Variants in DOCK10 observed in about 807,000 individuals in gnomAD.
DOCK10 encodes dedicator of cytokinesis 10, also known as dedicator of cytokinesis protein 10.
DOCK10 carries 145 observed loss-of-function variants against 280.1 expected under a neutral mutation model. The ratio of observed to expected loss-of-function variants is 0.52; its 90% confidence interval spans 0.45 to 0.59. The LOEUF is 0.59. Ranked by LOEUF, DOCK10 falls within the 20% of genes least tolerant of loss-of-function variation. DOCK10 has a pLI of 0.00. For missense variants in DOCK10, 2,368 were observed against 2,651.7 expected, an observed-to-expected ratio of 0.89 and a Z score of 2.35; for synonymous variants, 915 against 942.2, an observed-to-expected ratio of 0.97 and a Z score of 0.53.
At chr2:224,890,463 A>T (rs1699592686) in intron 4 of DOCK10, among the ~76,000 whole-genome samples, 3 of 152,202 alleles carry the variant, frequency 2.0e-5, no homozygotes, top group Admixed American at 1.3e-4. Context: ...GGAACTAATG[A>T]CTGAGATAGA....
At chr2:224,895,863 G>C (rs73993932) in intron 4 of DOCK10, among the ~76,000 whole-genome samples, 1 of 97,450 alleles carries the variant, frequency 1.0e-5, no homozygotes, top group Admixed American at 8.9e-5. Flanking sequence ...ATATATATAT[G>C]TCTTTTGTGG....
At chr2:224,903,604 G>A (rs1700433733) in intron 3 of DOCK10, among the ~76,000 whole-genome samples, 1 of 152,108 alleles carries the variant, frequency 6.6e-6, no homozygotes, top group African/African-American at 2.4e-5. Context: ...AATGATGGAT[G>A]GTACTAAAAC....
intron 16 of DOCK10, among the ~76,000 whole-genome samples, chr2:224,854,412 G>A (rs1292389447): frequency 6.6e-6 from 1 of 152,096 alleles, no homozygotes; most frequent in Non-Finnish European, 1.5e-5. Flanking sequence ...TATGTTCTCT[G>A]TATAATAACA....
At chr2:225,013,107 C>A (rs538005593) in intron 1 of DOCK10, among the ~76,000 whole-genome samples, 1 of 152,224 alleles carries the variant, frequency 6.6e-6, no homozygotes, top group Middle Eastern at 3.4e-3. Context: ...TTTCCTGGAA[C>A]TTTAGTCTGC....
At chr2:224,773,421 G>C (rs902312110) in intron 52 of DOCK10, 74 bp from the exon 53 acceptor site, 1 of 1,356,250 alleles carries the variant, frequency 7.4e-7, no homozygotes, top group Non-Finnish European at 1.0e-6. Flanking sequence ...TGAAGGACCA[G>C]AGGATCATGT....
At chr2:225,036,633 G>A (rs10175389) in intron 1 of DOCK10, among the ~76,000 whole-genome samples, 5,695 of 152,136 alleles carry the variant, frequency 0.037, 292 homozygotes, top group African/African-American at 0.12. Context: ...TCTCAATGAC[G>A]AGACTCTATC....
chr2:224,986,001 A>G (rs1263588570), intron 1 of DOCK10, among the ~76,000 whole-genome samples: 1 of 152,162 alleles, frequency 6.6e-6, no homozygotes, highest in African/African-American at 2.4e-5. Flanking sequence ...TATCTAATCT[A>G]TTGCAAAATA....
In DOCK10 at chr2:224,862,713, ATTGT is replaced by A. The variant is rs749640820; in HGVS notation, c.1632_1635del (p.Arg544SerfsTer17). 5.6e-6 allele frequency: 9 copies of A among 1,611,414 alleles called. No individual in the cohort carries two copies. Among genetic ancestry groups the A allele is most frequent in the African/African-American group, 1.3e-5 (1 of 74,878 alleles). On this transcript the variant is annotated frameshift_variant, in exon 14 of 56. Transcript: ENST00000258390. LOFTEE classifies it high-confidence loss of function. ...CGGTATTTTCCCAATTTGCTGCAGA[ATTGT>A]CTGTTGGATTTTAGTATCTTTTGTG...
At chr2:224,819,196 C>A (rs1694344527) in intron 29 of DOCK10, among the ~76,000 whole-genome samples, 1 of 152,202 alleles carries the variant, frequency 6.6e-6, no homozygotes, top group South Asian at 2.1e-4. Flanking sequence ...CTGCAAAGAG[C>A]CATTCTCTTC....
intron 14 of DOCK10, among the ~76,000 whole-genome samples, chr2:224,857,812 G>A (rs1186786946): frequency 6.6e-6 from 1 of 151,390 alleles, no homozygotes. Flanking sequence ...TTCTTTTAAT[G>A]TAATGTTTTA....
chr2:225,037,627 CAAT>C (rs1236018626), intron 1 of DOCK10, among the ~76,000 whole-genome samples: 2 of 152,180 alleles, frequency 1.3e-5, no homozygotes, highest in Admixed American at 6.5e-5. Flanking sequence ...TATTTTGCAA[CAAT>C]AATAACTTCC....
intron 11 of DOCK10, 146 bp from the exon 12 acceptor site, chr2:224,865,233 T>C (rs1047894850): frequency 1.3e-5 from 9 of 702,462 alleles, no homozygotes; most frequent in African/African-American, 8.9e-5. Flanking sequence ...AATCCTGTCC[T>C]CCAGCAAGTG....
chr2:224,778,926 C>A (rs1691082448), intron 50 of DOCK10, among the ~76,000 whole-genome samples: 1 of 152,152 alleles, frequency 6.6e-6, no homozygotes, highest in Non-Finnish European at 1.5e-5. Flanking sequence ...TCATGCAATT[C>A]ACCTTACTAA....
intron 13 of DOCK10, among the ~76,000 whole-genome samples, chr2:224,863,188 A>C (rs1380717137): frequency 6.6e-6 from 1 of 152,124 alleles, no homozygotes; most frequent in Non-Finnish European, 1.5e-5. Context: ...CAAGTTTTCA[A>C]CTCTGTTTCT....
chr2:224,826,110 C>A (rs376794413), intron 27 of DOCK10, among the ~76,000 whole-genome samples: 2 of 152,220 alleles, frequency 1.3e-5, no homozygotes, highest in East Asian at 3.8e-4. Context: ...GTGGCCCAGG[C>A]TGGAGTGCAG....
At chr2:225,012,554 T>A (rs1292678303) in intron 1 of DOCK10, among the ~76,000 whole-genome samples, 1 of 152,178 alleles carries the variant, frequency 6.6e-6, no homozygotes, top group Non-Finnish European at 1.5e-5. Flanking sequence ...AACCAGCTTT[T>A]AAAAAATTGT....
At chr2:224,890,585 C>T (rs1048269136) in intron 4 of DOCK10, among the ~76,000 whole-genome samples, 2 of 151,712 alleles carry the variant, frequency 1.3e-5, no homozygotes, top group African/African-American at 2.4e-5. Flanking sequence ...ACAGTAGATC[C>T]ACACACAGGA....
intron 1 of DOCK10, among the ~76,000 whole-genome samples, chr2:224,995,956 T>C (rs1049781174): frequency 2.0e-5 from 3 of 152,232 alleles, no homozygotes; most frequent in Non-Finnish European, 4.4e-5. Context: ...TTCTTAGCAT[T>C]TTAGCTAGTT....
intron 31 of DOCK10, among the ~76,000 whole-genome samples, chr2:224,808,885 G>C (rs1025221504): frequency 1.3e-5 from 2 of 152,058 alleles, no homozygotes; most frequent in African/African-American, 4.8e-5. Flanking sequence ...TTGTAGCAAT[G>C]GGGGAGGGAG....
Sources: allele counts gnomAD v4.1 joint callset (sites outside exome capture counted in the v4.1 genomes callset), GRCh38; gene constraint gnomAD v4.1.1; transcripts MANE v1.5; gene names NCBI Gene and HGNC (gene_info 2026-07-23, HGNC 2026-07-21).